Variants in TTC21B observed in about 807,000 individuals in gnomAD.
TTC21B encodes tetratricopeptide repeat protein 21B.
TTC21B carries 127 observed loss-of-function variants against 175.1 expected under a neutral mutation model. That is an observed-to-expected ratio of 0.73 (90% CI 0.63 to 0.84). TTC21B has a LOEUF of 0.84. TTC21B is among the 40% of genes least tolerant of loss of function. The pLI is 0.00. For missense variants in TTC21B, 1,561 were observed against 1,558.3 expected (o/e 1.00, Z -0.03); for synonymous variants, 524 against 524.5 (o/e 1.00, Z 0.01).
intron 8 of TTC21B, among the ~76,000 whole-genome samples, chr2:165,931,363 A>G (rs1459195502): frequency 6.6e-6 from 1 of 152,064 alleles, no homozygotes; most frequent in Non-Finnish European, 1.5e-5. Context: ...GTTGTTTTTT[A>G]AAAAATAAGA....
chr2:165,920,814 A>ATATTTTGAAATATTTTAAATATTTAAAAT (rs1559060477), intron 12 of TTC21B, among the ~76,000 whole-genome samples: 43 of 151,964 alleles, frequency 2.8e-4, no homozygotes, highest in South Asian at 6.2e-4. Flanking sequence ...AATATTTAAA[A>ATATTTTGAAATATTTTAAATATTTAAAAT]ATGAGAAGTG....
chr2:165,952,891 G>A (rs191983412), intron 1 of TTC21B, among the ~76,000 whole-genome samples: 164 of 152,322 alleles, frequency 1.1e-3, no homozygotes, highest in Non-Finnish European at 1.7e-3. Context: ...TCAGTGCTTA[G>A]AACAGTGCTA....
intron 6 of TTC21B, among the ~76,000 whole-genome samples, chr2:165,940,332 T>C (rs1264347468): frequency 2.0e-5 from 3 of 152,148 alleles, no homozygotes; most frequent in Non-Finnish European, 4.4e-5. Context: ...ATTTAGATGA[T>C]GGCACTCCTC....
intron 23 of TTC21B, 66 bp downstream of exon 23, chr2:165,890,772 G>A: frequency 1.3e-6 from 2 of 1,560,760 alleles, no homozygotes; most frequent in Non-Finnish European, 1.8e-6. Context: ...ACAAAGAAAA[G>A]CTTATTCTAC....
intron 3 of TTC21B, 60 bp from the exon 4 acceptor site, chr2:165,945,750 G>A: frequency 1.3e-6 from 2 of 1,554,418 alleles, no homozygotes; most frequent in Non-Finnish European, 1.8e-6. Context: ...TTTATAATAG[G>A]TCAGATAATT....
chr2:165,936,090 G>C (rs907093541), intron 6 of TTC21B, among the ~76,000 whole-genome samples: 1 of 145,906 alleles, frequency 6.9e-6, no homozygotes, highest in Non-Finnish European at 1.6e-5. Flanking sequence ...GTAATCAAGA[G>C]AGTAGTGTGG....
intron 22 of TTC21B, among the ~76,000 whole-genome samples, chr2:165,891,766 A>G (rs1685203667): frequency 6.9e-6 from 1 of 145,360 alleles, no homozygotes; most frequent in Non-Finnish European, 1.5e-5. Flanking sequence ...TAGACACTAC[A>G]GAAAATAAGG....
Position 165,930,326 on chromosome 2 carries a change from C to T in TTC21B, c.933G>A (p.Thr311=), listed in dbSNP as rs758987237. Residue 311 remains threonine (T), a synonymous_variant, in exon 9 of 29, where the codon ACG becomes ACA. Transcript: ENST00000243344. ...RSQLILQKIQ[T]LLERAFSLNP... ...TTAAACTAAAAGCTCTCTCAAGTAA[C>T]GTTTGAATTTTTTGAAGAATAAGTT... 1.7e-5 allele frequency: 28 copies of T among 1,611,726 alleles called. No individual in the cohort carries two copies. The highest frequency in any genetic ancestry group is 3.3e-5 in the Admixed American group (2 of 59,844).
chr2:165,900,074 AAAC>A (rs1685505501), intron 20 of TTC21B, among the ~76,000 whole-genome samples, 194 bp from the exon 21 acceptor site: 1 of 151,834 alleles, frequency 6.6e-6, no homozygotes, highest in African/African-American at 2.4e-5. Context: ...GAAAAAAAAA[AAAC>A]AGAGAAACAG....
intron 1 of TTC21B, among the ~76,000 whole-genome samples, chr2:165,951,414 A>G (rs1687757983): frequency 6.6e-6 from 1 of 152,194 alleles, no homozygotes; most frequent in Admixed American, 6.5e-5. Context: ...TTCTGAAAAA[A>G]ATAAGTTCCT....
intron 22 of TTC21B, 38 bp from the exon 23 acceptor site, chr2:165,891,026 T>C (rs956456418): frequency 1.6e-5 from 24 of 1,534,330 alleles, no homozygotes; most frequent in Non-Finnish European, 2.1e-5. Context: ...GGCACCATTT[T>C]ATACTGTTTC....
intron 18 of TTC21B, 40 bp downstream of exon 18, chr2:165,911,287 G>C: frequency 2.5e-6 from 4 of 1,611,566 alleles, no homozygotes; most frequent in Non-Finnish European, 3.4e-6. Context: ...AAATGGATCA[G>C]AGTTATCAGA....
At position 165,883,764 on chromosome 2, in the gene TTC21B, ATAAT is replaced by A. The variant is rs1684911391; in HGVS notation, c.3684+26_3684+29del. On this transcript the variant is annotated intron_variant, in intron 26 of 28. Coordinates refer to ENST00000243344, the MANE Select transcript of TTC21B (RefSeq NM_024753.5). ...TGGAAAGCTTATGCAACAAAGGTCA[ATAAT>A]TATTTTTTACTCTTCAATCACCTAC... is the stretch of plus-strand genomic sequence containing the variant. The A allele has an allele frequency of 6.5e-6, 10 of 1,541,250 alleles. No individual in the cohort carries two copies. The East Asian group carries it at 2.2e-4, about 35-fold the overall frequency.
chr2:165,941,922 G>C (rs923026542), intron 5 of TTC21B, among the ~76,000 whole-genome samples: 1 of 152,080 alleles, frequency 6.6e-6, no homozygotes, highest in Non-Finnish European at 1.5e-5. Context: ...TTCTCATTCA[G>C]ATGTTATTGT....
Position 165,953,679 on chromosome 2 carries a change from G to GCTCACCCA in TTC21B, c.21+5_21+6insTGGGTGAG, listed in dbSNP as rs1284385990. On this transcript the variant is annotated splice_donor_region_variant and intron_variant, in intron 1 of 28. Transcript: ENST00000243344. ...CGCTCACCCGCTCACCCGCTCACCC[G>GCTCACCCA]CTCACCTTCAATTCCTGCGAGTCCA... The GCTCACCCA allele has an allele frequency of 2.6e-6, 4 of 1,527,590 alleles. No homozygotes were observed. Among genetic ancestry groups the GCTCACCCA allele is most frequent in the Non-Finnish European group, 2.6e-6 (3 of 1,135,152 alleles). 94.6% of individuals were successfully genotyped at this position (1,527,590 alleles called of 1,614,324 possible). A position where few individuals can be genotyped will look rare whatever the true frequency, so the allele number is the denominator to read the frequency against.
rs1176724856 is a variant in TTC21B at position 165,888,315 on chromosome 2, T to C, written c.3423A>G (p.Gln1141=). The C allele has an allele frequency of 3.1e-6, 5 of 1,613,814 alleles. No homozygotes were observed. The highest frequency in any genetic ancestry group is 4.2e-6 in the Non-Finnish European group (5 of 1,179,876). ...MATKQKSNVE[Q]ALNTFTEIAA... ...CTATTTCAGTGAAGGTATTTAATGCTTGTTCAACATTAGATTTCTGTTTGG... is the reference window on the plus strand; with the variant it reads ...CTATTTCAGTGAAGGTATTTAATGCCTGTTCAACATTAGATTTCTGTTTGG... The change falls in exon 25 of 29, where the codon CAA becomes CAG. Residue 1141 remains glutamine (Q), a synonymous_variant. Coordinates refer to ENST00000243344, the MANE Select transcript of TTC21B (RefSeq NM_024753.5).
At chr2:165,886,409 T>A (rs1355956794) in intron 25 of TTC21B, among the ~76,000 whole-genome samples, 1 of 152,168 alleles carries the variant, frequency 6.6e-6, no homozygotes, top group Non-Finnish European at 1.5e-5. Context: ...GACCATACAT[T>A]ATTTATCTTT....
intron 18 of TTC21B, 132 bp from the exon 19 acceptor site, chr2:165,907,916 A>T (rs1685796320): frequency 1.6e-6 from 1 of 634,218 alleles, no homozygotes; most frequent in Non-Finnish European, 2.7e-6. Context: ...AAATTTTCTC[A>T]ATCAGTTGCC....
Position 165,919,341 on chromosome 2 carries a change from A to T in TTC21B, c.1609T>A (p.Leu537Met). The change falls in exon 13 of 29, where the codon TTG becomes ATG. Residue 537 changes from leucine to methionine, a missense_variant. Coordinates refer to ENST00000243344, the MANE Select transcript of TTC21B (RefSeq NM_024753.5). ...DAHLLLAQVY[L>M]SQEKVKLCSQ... The stretch of plus-strand genomic sequence containing the variant: ...CACAATTTGACTTTTTCTTGAGACA[A>T]GTAAACCTGAGCTAGCAGCAGATGA... 1 of 1,614,148 alleles carries T rather than the reference A, an allele frequency of 6.2e-7. No homozygotes were observed. Among genetic ancestry groups the T allele is most frequent in the Non-Finnish European group, 8.5e-7 (1 of 1,179,984 alleles).
Sources: allele counts gnomAD v4.1 joint callset (sites outside exome capture counted in the v4.1 genomes callset), GRCh38; gene constraint gnomAD v4.1.1; transcripts MANE v1.5; gene names NCBI Gene and HGNC (gene_info 2026-07-23, HGNC 2026-07-21).